The following SEMA3B variants were observed in gnomAD, a reference collection of about 807,000 sequenced individuals.
SEMA3B encodes the protein semaphorin 3B.
A neutral mutation model predicts 77.8 loss-of-function variants in SEMA3B; 71 were observed. That is an observed-to-expected ratio of 0.91 (90% CI 0.75 to 1.11). The LOEUF (loss-of-function observed/expected upper bound fraction) is 1.11. SEMA3B is among the 50% of genes most tolerant of loss of function. SEMA3B has a pLI of 0.00. For missense variants in SEMA3B, 968 were observed against 1,056.8 expected (o/e 0.92, Z 1.17); for synonymous variants, 470 against 452.9 (o/e 1.04, Z -0.48).
In SEMA3B at chr3:50,271,149, A is replaced by G; in HGVS notation, c.512A>G (p.Asp171Gly). ...GATGGCAAGGGGAAGAGTCCTTATG[A>G]CCCCAGGCATCGGGCTGCCTCCGTG... is the stretch of plus-strand genomic sequence containing the variant. Reference protein sequence around the residue: ...IEDGKGKSPYDPRHRAASVLV... With the variant: ...IEDGKGKSPYGPRHRAASVLV... The change falls in exon 5 of 17, where the codon GAC (aspartate) becomes GGC (glycine). Residue 171 changes from aspartate to glycine, a missense_variant. Asp to Gly is a moderately conservative substitution (Grantham distance 94). Transcript: ENST00000616701. 6.3e-7 allele frequency: 1 copy of G among 1,583,332 alleles called. No homozygotes were observed. The highest frequency in any genetic ancestry group is 8.6e-7 in the Non-Finnish European group (1 of 1,165,044).
In SEMA3B at chr3:50,275,562, G is replaced by A; in HGVS notation, c.1652G>A (p.Arg551Gln). The A allele has an allele frequency of 1.9e-6, 3 of 1,613,694 alleles. No homozygotes were observed. The highest frequency in any genetic ancestry group is 2.2e-5 in the South Asian group (2 of 91,086). The change falls in exon 15 of 17, where the codon CGG (arginine) becomes CAG (glutamine). Residue 551 changes from arginine to glutamine, a missense_variant and splice_region_variant. By Grantham distance (43) the Arg-to-Gln change is conservative (BLOSUM62 1). Transcript: ENST00000616701. The surrounding 1 kb of genome is among the most constrained non-coding windows in gnomAD (Gnocchi z 7.5). ...CTRFQPSAKR[R>Q]FRRQDVRNGD... ...AGAAGATCGGATGTTCCCCACAGGCGGTTCCGGCGGCAAGACGTAAGGAAT... is the reference window on the plus strand; with the variant it reads ...AGAAGATCGGATGTTCCCCACAGGCAGTTCCGGCGGCAAGACGTAAGGAAT...
chr3:50,273,878 C>T lies in SEMA3B; in HGVS notation c.993-35C>T. On this transcript the variant is annotated intron_variant, in intron 9 of 16. Transcript: ENST00000616701. This position sits in a 1 kb window ranked among gnomAD's most constrained non-coding sequence, Gnocchi z 6.5. ...CCCGGGGCGGGCCGCTGGGCTCCAC[C>T]CGGCCCCTCACCTCGCCCTGGTCTT... The T allele has an allele frequency of 6.3e-7, 1 of 1,575,224 alleles. No individual in the cohort carries two copies. Among genetic ancestry groups the T allele is most frequent in the African/African-American group, 1.3e-5 (1 of 74,084 alleles).
In SEMA3B at chr3:50,274,846, T is replaced by G. The variant is rs1302439622; in HGVS notation, c.1361T>G (p.Val454Gly). ...HYDVLFIGTD[V>G]GTVLKVISVP... ...TTACCCCTTCTCATCCCTGCAGACG[T>G]TGGCACGGTGCTGAAGGTGATCTCG... Residue 454 changes from valine (V) to glycine (G), a missense_variant, in exon 12 of 17, where the codon GTT becomes GGT. By Grantham distance (109) the Val-to-Gly change is moderately radical. Transcript: ENST00000616701. The surrounding 1 kb of genome is among the most constrained non-coding windows in gnomAD (Gnocchi z 4.7). 3 of 1,610,896 alleles carry G rather than the reference T, an allele frequency of 1.9e-6. 1 individual carries two copies. Among genetic ancestry groups the G allele is most frequent in the South Asian group, 2.2e-5 (2 of 90,818 alleles).
chr3:50,271,373 A>G lies in SEMA3B; in HGVS notation c.557A>G (p.Tyr186Cys), dbSNP rs1203149224. 4 of 1,581,140 alleles carry G rather than the reference A, an allele frequency of 2.5e-6. No homozygotes were observed. The highest frequency in any genetic ancestry group is 2.7e-5 in the African/African-American group (2 of 74,152). The stretch of plus-strand genomic sequence containing the variant: ...GCTCTGTCTGCAGGGGAGGAGCTAT[A>G]CTCAGGGGTGGCAGCAGACCTCATG... The part of the protein sequence containing the change: ...AASVLVGEEL[Y>C]SGVAADLMGR... The change falls in exon 6 of 17, where the codon TAC becomes TGC. Residue 186 changes from tyrosine to cysteine, a missense_variant. Tyr to Cys is a radical substitution (Grantham distance 194, BLOSUM62 -2). Coordinates refer to ENST00000616701, the MANE Select transcript of SEMA3B (RefSeq NM_001290060.2).
chr3:50,271,001 CG>C lies in SEMA3B; in HGVS notation c.445del (p.Ala149GlnfsTer13). 1 of 1,603,400 alleles carries C rather than the reference CG, an allele frequency of 6.2e-7. No individual in the cohort carries two copies. The highest frequency in any genetic ancestry group is 8.5e-7 in the Non-Finnish European group (1 of 1,174,966). ...CTGTGCCTTTGTGGAAGTGGGCCAC[CG>C]GGCAGAGGTAAGGCCGGATCTAGGC... ...PTCAFVEVGH[R>X]AEEPVLRLDP... is the part of the protein sequence containing the mutation. On this transcript the variant is annotated frameshift_variant, in exon 4 of 17. Coordinates refer to ENST00000616701, the MANE Select transcript of SEMA3B (RefSeq NM_001290060.2). LOFTEE classifies it high-confidence loss of function.
At position 50,273,576 on chromosome 3, in the gene SEMA3B, G is replaced by A; in HGVS notation, c.852G>A (p.Thr284=). Reference sequence around the variant, plus strand: ...AGCGCAGCCTGGTCAACAAGTGGACGACGTTCCTGAAGGCGCGGCTGGTGT... The same window carrying A: ...AGCGCAGCCTGGTCAACAAGTGGACAACGTTCCTGAAGGCGCGGCTGGTGT... ...GGQRSLVNKW[T]TFLKARLVCS... The change falls in exon 8 of 17, where the codon ACG becomes ACA. Residue 284 remains threonine (T), a synonymous_variant. Coordinates refer to ENST00000616701, the MANE Select transcript of SEMA3B (RefSeq NM_001290060.2). The surrounding 1 kb of genome is among the most constrained non-coding windows in gnomAD (Gnocchi z 6.5). 6.2e-7 allele frequency: 1 copy of A among 1,613,318 alleles called. No homozygotes were observed. Among genetic ancestry groups the A allele is most frequent in the Non-Finnish European group, 8.5e-7 (1 of 1,179,746 alleles).
Position 50,274,139 on chromosome 3 carries a change from A to C in SEMA3B, c.1137+82A>C. On this transcript the variant is annotated intron_variant, in intron 10 of 16. Coordinates refer to ENST00000616701, the MANE Select transcript of SEMA3B (RefSeq NM_001290060.2). This position sits in a 1 kb window ranked among gnomAD's most constrained non-coding sequence, Gnocchi z 4.7. ...ACTTGGCCTGGGGTCTTCTTGGTGA[A>C]TGTGGTTTCTTCCTTTAGTTATGGG... is the stretch of plus-strand genomic sequence containing the variant. 6.4e-7 allele frequency: 1 copy of C among 1,560,260 alleles called. No individual in the cohort carries two copies. The highest frequency in any genetic ancestry group is 8.6e-7 in the Non-Finnish European group (1 of 1,156,582).
chr3:50,271,897 G>C (rs1394326961), intron 6 of SEMA3B, among the ~76,000 whole-genome samples: 1 of 152,182 alleles, frequency 6.6e-6, no homozygotes, highest in African/African-American at 2.4e-5. Context: ...CAAAGGCCTG[G>C]ATGCAAGAAC....
chr3:50,275,405 C>G lies in SEMA3B; in HGVS notation c.1595C>G (p.Pro532Arg). 1 of 1,597,926 alleles carries G rather than the reference C, an allele frequency of 6.3e-7. No homozygotes were observed. The highest frequency in any genetic ancestry group is 8.5e-7 in the Non-Finnish European group (1 of 1,172,642). Residue 532 changes from proline to arginine, a missense_variant, in exon 14 of 17, where the codon CCC (proline) becomes CGC (arginine). By Grantham distance (103) the Pro-to-Arg change is moderately radical. Coordinates refer to ENST00000616701, the MANE Select transcript of SEMA3B (RefSeq NM_001290060.2). The surrounding 1 kb of genome is among the most constrained non-coding windows in gnomAD (Gnocchi z 7.5). ...ACCGAATGCTGTCTGGCGCGTGACC[C>G]CTACTGCGCCTGGGACGGGGTCGCG... is the stretch of plus-strand genomic sequence containing the variant. ...VCTECCLARD[P>R]YCAWDGVACT...
chr3:50,266,038 T>A (rs1452693408), upstream of SEMA3B, among the ~76,000 whole-genome samples: 1 of 151,862 alleles, frequency 6.6e-6, no homozygotes, highest in Non-Finnish European at 1.5e-5. Context: ...GGGGGGTTTC[T>A]GATACCGTTT....
chr3:50,269,496 C>A lies in SEMA3B; in HGVS notation c.109+147C>A. On this transcript the variant is annotated intron_variant, in intron 1 of 16. Transcript: ENST00000616701. The surrounding 1 kb of genome is among the most constrained non-coding windows in gnomAD (Gnocchi z 4.0). ...GGATTAGTGGGCACTCTCAGGCCACCTCCAGTTAACCCTGTCCGGGCCTCA... is the reference window on the plus strand; with the variant it reads ...GGATTAGTGGGCACTCTCAGGCCACATCCAGTTAACCCTGTCCGGGCCTCA... The A allele has an allele frequency of 3.4e-6, 2 of 594,246 alleles. No homozygotes were observed. Among genetic ancestry groups the A allele is most frequent in the Non-Finnish European group, 3.0e-6 (1 of 338,468 alleles). 36.8% of individuals were successfully genotyped at this position (594,246 alleles called of 1,614,324 possible). A position where few individuals can be genotyped will look rare whatever the true frequency, so the allele number is the denominator to read the frequency against.
At position 50,273,846 on chromosome 3, in the gene SEMA3B, G is replaced by C. The variant is rs1429361195; in HGVS notation, c.992+18G>C. ...ACGTCCAGGTGAGGGGCAGGAGGTA[G>C]GGAGCGCCCGGGGCGGGCCGCTGGG... is the stretch of plus-strand genomic sequence containing the variant. On this transcript the variant is annotated intron_variant, in intron 9 of 16. Coordinates refer to ENST00000616701, the MANE Select transcript of SEMA3B (RefSeq NM_001290060.2). The surrounding 1 kb of genome is among the most constrained non-coding windows in gnomAD (Gnocchi z 6.5). 2 of 1,567,454 alleles carry C rather than the reference G, an allele frequency of 1.3e-6. No individual in the cohort carries two copies. The highest frequency in any genetic ancestry group is 3.7e-5 in the Admixed American group (2 of 53,656).
rs369647277 is a variant in SEMA3B, at chr3:50,271,479, T to A, written c.663T>A (p.Asn221Lys). 2.1e-5 allele frequency: 33 copies of A among 1,561,038 alleles called. No individual in the cohort carries two copies. Among genetic ancestry groups the A allele is most frequent in the Non-Finnish European group, 2.9e-5 (33 of 1,152,618 alleles). ...RTEPHDSRWL[N>K]EPKFVKVFWI... ...AGCCACACGACTCCCGCTGGCTCAA[T>A]GGTGAGAGGCTGGTGGGGTTGGTGG... Residue 221 changes from asparagine to lysine, a missense_variant and splice_region_variant, in exon 6 of 17, where the codon AAT (asparagine) becomes AAA (lysine). Coordinates refer to ENST00000616701, the MANE Select transcript of SEMA3B (RefSeq NM_001290060.2).
At position 50,275,801 on chromosome 3, in the gene SEMA3B, T is replaced by C; in HGVS notation, c.1802T>C (p.Val601Ala). Residue 601 changes from valine (V) to alanine (A), a missense_variant, in exon 16 of 17, where the codon GTG (valine) becomes GCG (alanine). Physicochemically the swap from Val to Ala is moderately conservative, Grantham distance 64. Transcript: ENST00000616701. This position sits in a 1 kb window ranked among gnomAD's most constrained non-coding sequence, Gnocchi z 7.5. ...GAGCCCCGCTCGCTGCAGGCGCGCG[T>C]GGAGTGGACTTTCCAGCGCGCAGGG... ...ECEPRSLQAR[V>A]EWTFQRAGVT... is the part of the protein sequence containing the mutation. The C allele has an allele frequency of 1.2e-6, 2 of 1,611,392 alleles. No individual in the cohort carries two copies. The highest frequency in any genetic ancestry group is 1.7e-5 in the Admixed American group (1 of 59,958).
chr3:50,271,115 A>C lies in SEMA3B; in HGVS notation c.478A>C (p.Arg160=). The change falls in exon 5 of 17, where the codon AGG becomes CGG. Residue 160 remains arginine (R), a synonymous_variant. Coordinates refer to ENST00000616701, the MANE Select transcript of SEMA3B (RefSeq NM_001290060.2). ...EEPVLRLDPG[R]IEDGKGKSPY... ...GCCCGTCCTCCGGCTGGACCCAGGA[A>C]GGATAGAGGATGGCAAGGGGAAGAG... The C allele has an allele frequency of 6.3e-7, 1 of 1,584,208 alleles. No individual in the cohort carries two copies. Among genetic ancestry groups the C allele is most frequent in the South Asian group, 1.2e-5 (1 of 86,702 alleles).
chr3:50,272,883 G>A (rs2109242162), intron 6 of SEMA3B, among the ~76,000 whole-genome samples: 1 of 57,264 alleles, frequency 1.7e-5, no homozygotes, highest in East Asian at 1.0e-3. Context: ...TAATAATAAA[G>A]AGCAATGGGA....
In SEMA3B at chr3:50,273,025, G is replaced by A; in HGVS notation, c.665-273G>A. On this transcript the variant is annotated intron_variant, in intron 6 of 16. Coordinates refer to ENST00000616701, the MANE Select transcript of SEMA3B (RefSeq NM_001290060.2). The surrounding 1 kb of genome is among the most constrained non-coding windows in gnomAD (Gnocchi z 6.5). Reference sequence around the variant, plus strand: ...GCCTAAGGTGCTGGGCGACGTGTGGGGCGAGATCGGAGGCTAGCCGGGCTT... The same window carrying A: ...GCCTAAGGTGCTGGGCGACGTGTGGAGCGAGATCGGAGGCTAGCCGGGCTT... 1 of 461,146 alleles carries A rather than the reference G, an allele frequency of 2.2e-6. No individual in the cohort carries two copies. The highest frequency in any genetic ancestry group is 3.9e-6 in the Non-Finnish European group (1 of 256,994). The allele number at this position is 461,146 out of a possible 1,614,324, so 28.6% of individuals were successfully genotyped here.
At position 50,269,991 on chromosome 3, in the gene SEMA3B, C is replaced by T. The variant is rs587744849; in HGVS notation, c.110-136C>T. ...GTGGGCTTGGGTTTGCGTGTGTAAA[C>T]TCACACACATGTAAACTCACATGTG... On this transcript the variant is annotated intron_variant, in intron 1 of 16. Transcript: ENST00000616701. This position sits in a 1 kb window ranked among gnomAD's most constrained non-coding sequence, Gnocchi z 4.0. The T allele has an allele frequency of 3.2e-4, 310 of 965,496 alleles. No individual in the cohort carries two copies. Among genetic ancestry groups the T allele is most frequent in the South Asian group, 8.5e-4 (42 of 49,370 alleles). The allele number at this position is 965,496 out of a possible 1,614,324, so 59.8% of individuals were successfully genotyped here.
chr3:50,271,691 C>G (rs1701059170), intron 6 of SEMA3B, among the ~76,000 whole-genome samples: 1 of 152,038 alleles, frequency 6.6e-6, no homozygotes, highest in African/African-American at 2.4e-5. Flanking sequence ...AGATCAAGTC[C>G]AATGGCCTTG....
Sources: gnomAD v4.1 joint callset for allele counts (sites outside exome capture counted in the v4.1 genomes callset) on GRCh38, gnomAD v4.1.1 for gene constraint, Gnocchi (gnomAD v3.1) non-coding constraint, MANE v1.5 for transcripts, NCBI Gene and HGNC (gene_info 2026-07-23, HGNC 2026-07-21) for gene names.